The following RNF212 variants were observed in gnomAD, a reference collection of about 807,000 sequenced individuals.
The protein encoded by RNF212 is ring finger protein 212, also known as probable E3 SUMO-protein ligase RNF212.
A neutral mutation model predicts 34.7 loss-of-function variants in RNF212; 33 were observed. The ratio of observed to expected loss-of-function variants is 0.95; its 90% CI spans 0.72 to 1.27. RNF212 has a LOEUF of 1.27. Ranked by LOEUF, RNF212 falls within the 50% of genes most tolerant of loss-of-function variation. The probability of loss-of-function intolerance (pLI) is 0.00; values close to 1 mark genes in which losing one functional copy is unlikely to be tolerated. For synonymous variants in RNF212, 140 were observed against 136.1 expected (o/e 1.03, Z -0.20); for missense variants, 377 against 362.2 (o/e 1.04, Z -0.33).
chr4:1,091,864 G>A (rs1297178756), intron 3 of RNF212, among the ~76,000 whole-genome samples: 4 of 152,212 alleles, frequency 2.6e-5, no homozygotes, highest in African/African-American at 9.7e-5. Flanking sequence ...AGGGGACTAT[G>A]TCTCCACCAA....
At chr4:1,077,720 G>T (rs140571523) in intron 8 of RNF212, among the ~76,000 whole-genome samples, 1 of 152,342 alleles carries the variant, frequency 6.6e-6, no homozygotes, top group East Asian at 1.9e-4. Context: ...GGCCTTGGGG[G>T]AGCCAAAGCA....
chr4:1,106,470 C>G (rs1724853438), intron 2 of RNF212, among the ~76,000 whole-genome samples: 1 of 152,122 alleles, frequency 6.6e-6, no homozygotes, highest in South Asian at 2.1e-4. Flanking sequence ...GAGCTAAAAG[C>G]TAACCACTTA....
intron 5 of RNF212, among the ~76,000 whole-genome samples, chr4:1,084,952 G>A (rs1720938298): frequency 1.3e-5 from 2 of 152,182 alleles, no homozygotes; most frequent in Admixed American, 6.5e-5. Context: ...CAGTGTGACT[G>A]GCGTCACCAG....
chr4:1,056,982 A>T (rs1717363196), intron 4 of RNF212: 4 of 987,828 alleles, frequency 4.0e-6, no homozygotes, highest in Non-Finnish European at 4.8e-6. Context: ...GGTCCCTTGT[A>T]GGGAATTTGC....
rs958091886 is a variant in RNF212 at position 1,075,752 on chromosome 4, T to C, written c.511-2090A>G. On this transcript the variant is annotated intron_variant, in intron 8 of 9. Transcript: ENST00000433731. ...GCAGTGGGGCAGTCACTCACCTCACTGCAGCCTCAACCTCCTGGTGGTGAT... is the reference window on the plus strand; with the variant it reads ...GCAGTGGGGCAGTCACTCACCTCACCGCAGCCTCAACCTCCTGGTGGTGAT... 8.5e-5 allele frequency among the ~76,000 whole-genome samples: 13 copies of C among 152,184 alleles called. No homozygotes were observed. In the South Asian group the frequency reaches 1.0e-3, roughly 12 times the overall value.
At position 1,095,001 on chromosome 4, in the gene RNF212, T is replaced by C. The variant is rs562820482; in HGVS notation, c.246+1764A>G. Among the ~76,000 whole-genome samples the C allele has an allele frequency of 1.6e-3, 237 of 152,334 alleles. 11 individuals carry two copies. The South Asian group carries it at 0.046, about 30-fold the overall frequency. On this transcript the variant is annotated intron_variant, in intron 3 of 9. Coordinates refer to ENST00000433731, the MANE Select transcript of RNF212 (RefSeq NM_001131034.4). ...ACAGAAATATTTTGGCAGAAAATAT[T>C]TGCTGATCAAATATCTTCAAAGGAA...
intron 5 of RNF212, 62 bp downstream of exon 5, chr4:1,085,834 C>A (rs537050829): frequency 8.2e-6 from 9 of 1,094,116 alleles, no homozygotes; most frequent in South Asian, 1.2e-5. Context: ...GAGAGCCAGA[C>A]GACCAATGCA....
At chr4:1,056,771 T>G in intron 4 of RNF212, 5 of 882,814 alleles carry the variant, frequency 5.7e-6, no homozygotes, top group Non-Finnish European at 6.8e-6. Flanking sequence ...CACACTCAGT[T>G]AAAGAGCTTC....
chr4:1,078,493 T>TGGTCTTGCTTCTCTCC (rs1719706459), intron 8 of RNF212, among the ~76,000 whole-genome samples: 3 of 152,370 alleles, frequency 2.0e-5, no homozygotes, highest in East Asian at 3.9e-4. Flanking sequence ...AGGTTTCCTC[T>TGGTCTTGCTTCTCTCC]GGTCTTGCTT....
chr4:1,072,541 T>G lies in RNF212; in HGVS notation c.*333A>C. The stretch of plus-strand genomic sequence containing the variant: ...GGGAAATCTGTACCTTCCTTTCAAT[T>G]TTTCTGTGAACCTAAAACTGCTCTA... On this transcript the variant is annotated 3_prime_UTR_variant, in exon 10 of 10. Transcript: ENST00000433731. The G allele has an allele frequency of 4.6e-6, 2 of 437,428 alleles. No individual in the cohort carries two copies. Among genetic ancestry groups the G allele is most frequent in the Middle Eastern group, 2.1e-3 (2 of 956 alleles). 27.1% of individuals were successfully genotyped at this position (437,428 alleles called of 1,614,324 possible).
At chr4:1,108,443 T>A (rs1725157337) in intron 1 of RNF212, 39 bp from the exon 2 acceptor site, 2 of 1,078,938 alleles carry the variant, frequency 1.9e-6, no homozygotes, top group African/African-American at 1.7e-5. Context: ...TTAGACTGAC[T>A]ACTACTTTTA....
intron 2 of RNF212, among the ~76,000 whole-genome samples, chr4:1,102,366 G>A (rs1724117757): frequency 6.6e-6 from 1 of 152,136 alleles, no homozygotes; most frequent in African/African-American, 2.4e-5. Flanking sequence ...CTGCATACAG[G>A]AAACGTCAGC....
At chr4:1,098,713 G>T (rs1253989289) in intron 2 of RNF212, among the ~76,000 whole-genome samples, 1 of 152,084 alleles carries the variant, frequency 6.6e-6, no homozygotes, top group Non-Finnish European at 1.5e-5. Context: ...CCATGCCTCG[G>T]TCTCCCTACG....
intron 3 of RNF212, among the ~76,000 whole-genome samples, chr4:1,063,433 G>T (rs1717878357): frequency 6.6e-6 from 1 of 152,218 alleles, no homozygotes; most frequent in African/African-American, 2.4e-5. Context: ...GGAAATGGCT[G>T]GGTACGGTGG....
downstream of RNF212, among the ~76,000 whole-genome samples, chr4:1,071,021 T>C (rs1718444166): frequency 1.3e-5 from 2 of 152,028 alleles, no homozygotes; most frequent in Admixed American, 6.6e-5. Context: ...TCAAAATAAA[T>C]TATTTTAAAA....
chr4:1,095,539 T>C (rs1188658928), intron 3 of RNF212, among the ~76,000 whole-genome samples: 45 of 75,222 alleles, frequency 6.0e-4, no homozygotes, highest in Admixed American at 1.7e-3. Context: ...CTCGGGATAG[T>C]GCACCTGGCT....
intron 3 of RNF212, among the ~76,000 whole-genome samples, chr4:1,063,716 A>G (rs1340129115): frequency 6.6e-6 from 1 of 151,304 alleles, no homozygotes; most frequent in Non-Finnish European, 1.5e-5. Flanking sequence ...AAAAAAGAAA[A>G]AAGAAAAATT....
rs368128599 is a variant in RNF212 at position 1,093,807 on chromosome 4, G to A, written c.246+2958C>T. 3.3e-6 allele frequency: 5 copies of A among 1,536,284 alleles called. No homozygotes were observed. The African/African-American group carries it at 6.8e-5, about 21-fold the overall frequency. On this transcript the variant is annotated intron_variant, in intron 3 of 9. Transcript: ENST00000433731. Reference sequence around the variant, plus strand: ...GGATGGAGCAGGGTGAGGGGGTGAGGTGCGTCCTGGATGGTGTTTCCCTGG... The same window carrying A: ...GGATGGAGCAGGGTGAGGGGGTGAGATGCGTCCTGGATGGTGTTTCCCTGG...
chr4:1,056,524 G>T, intron 4 of RNF212: 1 of 981,850 alleles, frequency 1.0e-6, no homozygotes, highest in Non-Finnish European at 1.2e-6. Flanking sequence ...AAATGAGGGT[G>T]CACATGTTAC....
Sources: allele counts gnomAD v4.1 joint callset (sites outside exome capture counted in the v4.1 genomes callset), GRCh38; gene constraint gnomAD v4.1.1; transcripts MANE v1.5; gene names NCBI Gene and HGNC (gene_info 2026-07-23, HGNC 2026-07-21).